FCN2: variants seen among roughly 807,000 people sequenced by gnomAD.
The protein encoded by FCN2 is ficolin 2.
In FCN2, 31 loss-of-function variants were observed where a neutral mutation model predicts 32.5. The ratio of observed to expected loss-of-function variants is 0.96; its 90% CI spans 0.72 to 1.29. The LOEUF (loss-of-function observed/expected upper bound fraction) is 1.29. Ranked by LOEUF, FCN2 falls within the 50% of genes most tolerant of loss-of-function variation. FCN2 has a pLI of 0.00. For synonymous variants in FCN2, 181 were observed against 164.5 expected (o/e 1.10, Z -0.77); for missense variants, 412 against 406.5 (o/e 1.01, Z -0.12).
intron 3 of FCN2, among the ~76,000 whole-genome samples, chr9:134,883,924 G>T (rs1237841316): frequency 6.7e-6 from 1 of 150,324 alleles, no homozygotes; most frequent in South Asian, 2.1e-4. Context: ...TCTGCCCTGT[G>T]GGTGGGCCTG....
intron 4 of FCN2, 27 bp downstream of exon 4, chr9:134,884,799 C>T (rs1020014798): frequency 6.2e-7 from 1 of 1,611,060 alleles, no homozygotes; most frequent in Non-Finnish European, 8.5e-7. Context: ...ACACTCCTCC[C>T]ACGGCTTGTG....
chr9:134,876,175 T>G (rs1196400669), upstream of FCN2, among the ~76,000 whole-genome samples: 1 of 152,210 alleles, frequency 6.6e-6, no homozygotes, highest in Non-Finnish European at 1.5e-5. Flanking sequence ...TTTGCTAAAA[T>G]TTTGCTTAAA....
At position 134,883,481 on chromosome 9, in the gene FCN2, G is replaced by T. The variant is rs1259633272; in HGVS notation, c.268+126G>T. The stretch of plus-strand genomic sequence containing the variant: ...CCAGAGCCAACGCCTGCCCAGGCAG[G>T]GCTCTTGGGGCTTAGTCCAGGGCAG... On this transcript the variant is annotated intron_variant, in intron 3 of 7. Coordinates refer to ENST00000291744, the MANE Select transcript of FCN2 (RefSeq NM_004108.3). 9.6e-6 allele frequency: 8 copies of T among 830,082 alleles called. No homozygotes were observed. The Admixed American group carries it at 1.2e-4, about 12-fold the overall frequency. 51.4% of individuals were successfully genotyped at this position (830,082 alleles called of 1,614,324 possible). A position where few individuals can be genotyped will look rare whatever the true frequency, so the allele number is the denominator to read the frequency against.
At chr9:134,884,572 G>A (rs1274400369) in intron 3 of FCN2, among the ~76,000 whole-genome samples, 168 bp from the exon 4 acceptor site, 2 of 152,188 alleles carry the variant, frequency 1.3e-5, no homozygotes, top group African/African-American at 4.8e-5. Context: ...GGCATCCCTC[G>A]AGGGAAAGAA....
chr9:134,873,107 TG>T, the FCN2 span, among the ~76,000 whole-genome samples: 2 of 133,112 alleles, frequency 1.5e-5, no homozygotes, highest in African/African-American at 5.9e-5. Context: ...ATTGTGTGCC[TG>T]TTTTTTTTTA....
Position 134,887,473 on chromosome 9 carries a change from T to C in FCN2, c.*58T>C. On this transcript the variant is annotated 3_prime_UTR_variant, in exon 8 of 8. Coordinates refer to ENST00000291744, the MANE Select transcript of FCN2 (RefSeq NM_004108.3). ...CACATAGTTGGTTGGGGGGTAGGGT[T>C]GGGAGCTTGGCCCTACGGTTTGTAA... The C allele has an allele frequency of 6.5e-7, 1 of 1,546,618 alleles. No individual in the cohort carries two copies. Among genetic ancestry groups the C allele is most frequent in the South Asian group, 1.1e-5 (1 of 89,110 alleles).
At chr9:134,876,820 C>A (rs1296159568), upstream of FCN2, among the ~76,000 whole-genome samples, 1 of 152,206 alleles carries the variant, frequency 6.6e-6, no homozygotes, top group African/African-American at 2.4e-5. Flanking sequence ...GGTGATCTAC[C>A]CACCTCGACC....
At chr9:134,877,294 G>A (rs1476725957), upstream of FCN2, among the ~76,000 whole-genome samples, 1 of 152,142 alleles carries the variant, frequency 6.6e-6, no homozygotes, top group Non-Finnish European at 1.5e-5. Flanking sequence ...GCCTCCCAAG[G>A]AGTGCTTTAG....
the FCN2 span, among the ~76,000 whole-genome samples, chr9:134,865,639 T>TAA: frequency 2.9e-4 from 44 of 150,262 alleles, no homozygotes; most frequent in African/African-American, 8.8e-4. Flanking sequence ...TGAGGACAGA[T>TAA]AAAAAAAAAA....
intron 4 of FCN2, 38 bp from the exon 5 acceptor site, chr9:134,885,201 C>T: frequency 1.2e-6 from 2 of 1,613,680 alleles, no homozygotes; most frequent in Non-Finnish European, 8.5e-7. Flanking sequence ...CTGCCCAGGG[C>T]TCCTGTCCTG....
chr9:134,884,903 C>A, intron 4 of FCN2, 131 bp downstream of exon 4: 1 of 874,370 alleles, frequency 1.1e-6, no homozygotes, highest in East Asian at 2.6e-5. Context: ...TGCCCGTTTC[C>A]TTGTCCCCTA....
chr9:134,877,622 A>G (rs544760206), upstream of FCN2, among the ~76,000 whole-genome samples: 1 of 152,310 alleles, frequency 6.6e-6, no homozygotes, highest in South Asian at 2.1e-4. Context: ...GCTGTCTGCT[A>G]CAAGAGTCTC....
chr9:134,876,134 C>A (rs929560493), upstream of FCN2, among the ~76,000 whole-genome samples: 1 of 152,146 alleles, frequency 6.6e-6, no homozygotes, highest in East Asian at 1.9e-4. Context: ...CTCACTTGCT[C>A]ATGATACATT....
At chr9:134,875,300 G>C in the FCN2 span, among the ~76,000 whole-genome samples, 492 of 152,282 alleles carry the variant, frequency 3.2e-3, 1 homozygote, top group African/African-American at 0.011. Context: ...ACCATTCAAC[G>C]TGATGTGAAC....
At chr9:134,873,393 G>A in the FCN2 span, among the ~76,000 whole-genome samples, 3 of 152,166 alleles carry the variant, frequency 2.0e-5, no homozygotes, top group Admixed American at 6.6e-5. Context: ...AGGCTGCTGC[G>A]TAACAACTCA....
chr9:134,865,929 A>G, the FCN2 span, among the ~76,000 whole-genome samples: 120 of 151,778 alleles, frequency 7.9e-4, no homozygotes, highest in African/African-American at 2.8e-3. Context: ...TCCAACTTAC[A>G]AGGGATGTGA....
upstream of FCN2, among the ~76,000 whole-genome samples, chr9:134,876,727 T>C (rs1830606649): frequency 6.6e-6 from 1 of 152,158 alleles, no homozygotes; most frequent in African/African-American, 2.4e-5. Context: ...TACAGGTGCC[T>C]ACCACCACAC....
At chr9:134,866,686 A>T in the FCN2 span, among the ~76,000 whole-genome samples, 1 of 146,054 alleles carries the variant, frequency 6.8e-6, no homozygotes, top group Non-Finnish European at 1.5e-5. Context: ...AGAAACTACC[A>T]TCAGAGTGAA....
At chr9:134,872,642 G>A in the FCN2 span, among the ~76,000 whole-genome samples, 4 of 152,098 alleles carry the variant, frequency 2.6e-5, no homozygotes, top group Non-Finnish European at 5.9e-5. Context: ...GAGAGAGCGT[G>A]GTGCGGGGGA....
Sources: gnomAD v4.1 joint callset for allele counts (sites outside exome capture counted in the v4.1 genomes callset) on GRCh38, gnomAD v4.1.1 for gene constraint, MANE v1.5 for transcripts, NCBI Gene and HGNC (gene_info 2026-07-23, HGNC 2026-07-21) for gene names.